Variants in PRR16 observed in about 807,000 individuals in gnomAD.
PRR16 encodes proline rich 16, also known as protein Largen.
PRR16 carries 6 observed loss-of-function variants against 18.2 expected under a neutral mutation model. The ratio of observed to expected loss-of-function variants is 0.33; its 90% CI spans 0.18 to 0.65. The LOEUF is 0.65. PRR16 is among the 30% of genes least tolerant of loss of function. The probability of loss-of-function intolerance (pLI) is 0.74; values close to 1 mark genes in which losing one functional copy is unlikely to be tolerated. For missense variants in PRR16, 412 were observed against 376.6 expected, an observed-to-expected ratio of 1.09 and a Z score of -0.78; for synonymous variants, 151 against 147.8, an observed-to-expected ratio of 1.02 and a Z score of -0.16.
chr5:120,622,297 A>G (rs1394798849), intron 1 of PRR16, among the ~76,000 whole-genome samples: 1 of 152,036 alleles, frequency 6.6e-6, no homozygotes, highest in Non-Finnish European at 1.5e-5. Context: ...TTCTACAGTT[A>G]GTTCTTGTTT....
At chr5:120,516,267 A>G (rs897374634) in intron 1 of PRR16, among the ~76,000 whole-genome samples, 27 of 152,110 alleles carry the variant, frequency 1.8e-4, no homozygotes, top group African/African-American at 5.6e-4. Flanking sequence ...CTACCAAAAA[A>G]TACAAAAATT....
At chr5:120,781,722 G>A in the PRR16 span, among the ~76,000 whole-genome samples, 1 of 151,564 alleles carries the variant, frequency 6.6e-6, no homozygotes, top group African/African-American at 2.4e-5. Flanking sequence ...AAGAGATACA[G>A]TTTCAGATAG....
At chr5:120,561,645 C>T in intron 1 of PRR16, among the ~76,000 whole-genome samples, 1 of 151,922 alleles carries the variant, frequency 6.6e-6, no homozygotes, top group East Asian at 1.9e-4. Flanking sequence ...GCTCTGTGTC[C>T]CCACCCAGAT....
the PRR16 span, among the ~76,000 whole-genome samples, chr5:120,724,272 A>T: frequency 6.6e-6 from 1 of 152,056 alleles, no homozygotes; most frequent in Non-Finnish European, 1.5e-5. Flanking sequence ...TTTCCACAGA[A>T]TTGTGATTAA....
chr5:120,684,667 T>G (rs1216996344), intron 1 of PRR16, among the ~76,000 whole-genome samples: 6 of 152,196 alleles, frequency 3.9e-5, no homozygotes, highest in African/African-American at 1.4e-4. Context: ...AGGACCCTGA[T>G]GCTGTACTCT....
chr5:120,597,729 C>T (rs1045436814), intron 1 of PRR16, among the ~76,000 whole-genome samples: 20 of 151,828 alleles, frequency 1.3e-4, no homozygotes, highest in African/African-American at 4.1e-4. Flanking sequence ...TATTTAGGAG[C>T]GTGATTCTTC....
At chr5:120,759,543 T>C in the PRR16 span, among the ~76,000 whole-genome samples, 1 of 152,106 alleles carries the variant, frequency 6.6e-6, no homozygotes, top group Non-Finnish European at 1.5e-5. Context: ...GGGTTGAATA[T>C]ATGAAGCACA....
intron 1 of PRR16, among the ~76,000 whole-genome samples, chr5:120,644,131 T>G (rs1755513969): frequency 6.6e-6 from 1 of 152,104 alleles, no homozygotes; most frequent in African/African-American, 2.4e-5. Context: ...GTATTCAGGC[T>G]AATTGCTTCT....
At position 120,488,305 on chromosome 5, in the gene PRR16, AATT is replaced by A; in HGVS notation, c.159+23666_159+23668del. Among the ~76,000 whole-genome samples, 5 of 152,224 alleles carry A rather than the reference AATT, an allele frequency of 3.3e-5. 1 individual carries two copies. Among genetic ancestry groups the A allele is most frequent in the Admixed American group, 3.3e-4 (5 of 15,282 alleles). On this transcript the variant is annotated intron_variant, in intron 1 of 1. Coordinates refer to ENST00000407149, the MANE Select transcript of PRR16 (RefSeq NM_001300783.2). ...GACTTTTTTTGGTTGGTAAGCTATT[AATT>A]ATTATCTCAATTTCAGAGCTTGCTA...
chr5:120,618,396 C>T (rs1158992978), intron 1 of PRR16: 3 of 861,964 alleles, frequency 3.5e-6, no homozygotes, highest in Non-Finnish European at 4.2e-6. Flanking sequence ...AATAAGTAAA[C>T]TATTTTTAGT....
intron 1 of PRR16, among the ~76,000 whole-genome samples, chr5:120,505,996 C>G (rs1036271925): frequency 2.0e-5 from 3 of 149,206 alleles, no homozygotes; most frequent in African/African-American, 7.4e-5. Context: ...TAGAGTGCAT[C>G]TAGTTTCATC....
At chr5:120,740,085 G>A in the PRR16 span, among the ~76,000 whole-genome samples, 1 of 152,086 alleles carries the variant, frequency 6.6e-6, no homozygotes. Flanking sequence ...ACACACTAAT[G>A]GGACAATGAT....
intron 1 of PRR16, among the ~76,000 whole-genome samples, chr5:120,576,513 A>T (rs1462539002): frequency 6.6e-6 from 1 of 152,178 alleles, no homozygotes; most frequent in Admixed American, 6.5e-5. Flanking sequence ...AATTAAAGAT[A>T]ACAGGTGTTG....
chr5:120,523,836 C>A (rs950648718), intron 1 of PRR16, among the ~76,000 whole-genome samples: 1 of 151,990 alleles, frequency 6.6e-6, no homozygotes, highest in Non-Finnish European at 1.5e-5. Flanking sequence ...AAGATTTAAG[C>A]TCATGTCAGA....
At chr5:120,575,739 A>C (rs911933415) in intron 1 of PRR16, among the ~76,000 whole-genome samples, 3 of 152,216 alleles carry the variant, frequency 2.0e-5, no homozygotes, top group African/African-American at 7.2e-5. Flanking sequence ...GATTGAGAAT[A>C]AGATAAGTAT....
chr5:120,777,733 T>C, the PRR16 span, among the ~76,000 whole-genome samples: 1 of 152,162 alleles, frequency 6.6e-6, no homozygotes, highest in Admixed American at 6.5e-5. Flanking sequence ...ACTAAGTTTA[T>C]TGTCCTTTGA....
chr5:120,718,271 C>T, the PRR16 span, among the ~76,000 whole-genome samples: 5 of 152,234 alleles, frequency 3.3e-5, no homozygotes, highest in East Asian at 5.8e-4. Flanking sequence ...TAGGACACCT[C>T]TGACTTCACG....
At chr5:120,754,153 A>AATAT in the PRR16 span, among the ~76,000 whole-genome samples, 4 of 20,698 alleles carry the variant, frequency 1.9e-4, no homozygotes, top group Non-Finnish European at 3.4e-4. Flanking sequence ...ATAATATATA[A>AATAT]ATATGATATA....
At chr5:120,725,726 A>G in the PRR16 span, among the ~76,000 whole-genome samples, 30 of 151,998 alleles carry the variant, frequency 2.0e-4, no homozygotes, top group Non-Finnish European at 3.8e-4. Context: ...ACCTTTCCCT[A>G]CTGTAATGTG....
Sources: gnomAD v4.1 joint callset for allele counts (sites outside exome capture counted in the v4.1 genomes callset) on GRCh38, gnomAD v4.1.1 for gene constraint, MANE v1.5 for transcripts, NCBI Gene and HGNC (gene_info 2026-07-23, HGNC 2026-07-21) for gene names.